MAEA: variants seen among roughly 807,000 people sequenced by gnomAD.
MAEA encodes the protein macrophage erythroblast attacher, E3 ubiquitin ligase.
A neutral mutation model predicts 46.2 loss-of-function variants in MAEA; 22 were observed. That is an observed-to-expected ratio of 0.48 (90% confidence interval 0.34 to 0.68). The LOEUF (loss-of-function observed/expected upper bound fraction) is 0.68, where lower values mean the gene tolerates loss of function less well. MAEA is among the 30% of genes least tolerant of loss of function. The pLI is 0.01. For synonymous variants in MAEA, 246 were observed against 222.6 expected, an observed-to-expected ratio of 1.11 and a Z score of -0.94; for missense variants, 393 against 558.1, an observed-to-expected ratio of 0.70 and a Z score of 2.98.
At chr4:1,334,758 T>C in intron 6 of MAEA, 1 of 522,148 alleles carries the variant, frequency 1.9e-6, no homozygotes, top group Non-Finnish European at 2.5e-6. Flanking sequence ...GAAGGAAGCA[T>C]TTTGTTCAGA....
At chr4:1,309,811 G>T in intron 1 of MAEA, 1 of 1,389,272 alleles carries the variant, frequency 7.2e-7, no homozygotes, top group South Asian at 1.6e-5. Flanking sequence ...AAGGGTTCCT[G>T]TCTGCAGCAC....
chr4:1,337,190 C>A, intron 7 of MAEA, 196 bp downstream of exon 7: 1 of 624,208 alleles, frequency 1.6e-6, no homozygotes, highest in East Asian at 2.9e-5. Flanking sequence ...CGTCGTGCAG[C>A]CTTCACTCTG....
Position 1,327,608 on chromosome 4 carries a change from G to A in MAEA, c.580-19G>A, listed in dbSNP as rs766408168. The A allele has an allele frequency of 2.0e-5, 32 of 1,603,854 alleles. No homozygotes were observed. Among genetic ancestry groups the A allele is most frequent in the East Asian group, 4.5e-5 (2 of 44,838 alleles). On this transcript the variant is annotated intron_variant, in intron 4 of 8. Coordinates refer to ENST00000303400, the MANE Select transcript of MAEA (RefSeq NM_001017405.3). ...TGTGGGATGTGCTGTCTAAGCCCTC[G>A]TCTTGTCTTTGCCCTCAGAGCTGCC... is the stretch of plus-strand genomic sequence containing the variant.
chr4:1,314,056 A>C (rs1158919897), intron 2 of MAEA, among the ~76,000 whole-genome samples: 2 of 152,208 alleles, frequency 1.3e-5, no homozygotes, highest in African/African-American at 4.8e-5. Context: ...GGGCAGGCAC[A>C]GTGGCTCACG....
intron 1 of MAEA, among the ~76,000 whole-genome samples, chr4:1,294,588 C>T (rs73796053): frequency 0.15 from 23,328 of 151,424 alleles, 3,462 homozygotes; most frequent in East Asian, 0.42. Context: ...TCCCATACCC[C>T]CCTCCGCAGC....
At position 1,308,421 on chromosome 4, in the gene MAEA, A is replaced by G. The variant is rs563816713; in HGVS notation, c.70-3558A>G. Among the ~76,000 whole-genome samples the G allele has an allele frequency of 4.6e-5, 7 of 152,294 alleles. No individual in the cohort carries two copies. The East Asian group carries it at 1.3e-3, about 29-fold the overall frequency. On this transcript the variant is annotated intron_variant, in intron 1 of 8. Coordinates refer to ENST00000303400, the MANE Select transcript of MAEA (RefSeq NM_001017405.3). ...GGCTGCCATGAACACAGGTGTGCAGATACCTCCTGGGACCCTGCCTTCAGT... is the reference window on the plus strand; with the variant it reads ...GGCTGCCATGAACACAGGTGTGCAGGTACCTCCTGGGACCCTGCCTTCAGT...
chr4:1,336,358 C>T (rs1560393554), intron 6 of MAEA, among the ~76,000 whole-genome samples: 1 of 151,090 alleles, frequency 6.6e-6, no homozygotes, highest in Non-Finnish European at 1.5e-5. Context: ...GTCAGCACTC[C>T]CCCGACAGTG....
intron 6 of MAEA, chr4:1,335,267 G>A (rs1712594661): frequency 1.0e-6 from 1 of 985,498 alleles, no homozygotes; most frequent in Non-Finnish European, 1.2e-6. Context: ...GCTCTGAGGT[G>A]CACTCTGCAC....
rs1713156513 is a variant in MAEA at position 1,338,828 on chromosome 4, C to G, written c.1095+211C>G. The G allele has an allele frequency of 1.2e-5, 8 of 660,434 alleles. No individual in the cohort carries two copies. In the East Asian group the frequency reaches 2.2e-4, roughly 18 times the overall value. The allele number at this position is 660,434 out of a possible 1,614,324, so 40.9% of individuals were successfully genotyped here. On this transcript the variant is annotated intron_variant, in intron 8 of 8. Transcript: ENST00000303400. Reference sequence around the variant, plus strand: ...GCAGGGCAGCGGGGCCAGGCTGGCACACGTCGCCATTGGGACAGGGCTGTC... The same window carrying G: ...GCAGGGCAGCGGGGCCAGGCTGGCAGACGTCGCCATTGGGACAGGGCTGTC...
chr4:1,321,603 G>A (rs1015698004), intron 3 of MAEA, among the ~76,000 whole-genome samples: 1 of 152,234 alleles, frequency 6.6e-6, no homozygotes, highest in South Asian at 2.1e-4. Flanking sequence ...GGTGAACTGT[G>A]GCCTCATCCT....
chr4:1,310,361 C>G (rs1423534219), intron 1 of MAEA, among the ~76,000 whole-genome samples: 7 of 152,232 alleles, frequency 4.6e-5, no homozygotes, highest in Non-Finnish European at 5.9e-5. Context: ...AAGAATCTTT[C>G]CCGTCTTTCC....
At chr4:1,322,086 TG>T (rs1367606353) in intron 3 of MAEA, among the ~76,000 whole-genome samples, 2 of 152,154 alleles carry the variant, frequency 1.3e-5, no homozygotes, top group African/African-American at 2.4e-5. Flanking sequence ...CCTGCCTGCA[TG>T]TGTGTCTCAG....
chr4:1,295,651 C>A, intron 1 of MAEA, among the ~76,000 whole-genome samples: 1 of 143,554 alleles, frequency 7.0e-6, no homozygotes, highest in African/African-American at 2.5e-5. Flanking sequence ...CCTGTACCCC[C>A]CTCACCCGCT....
chr4:1,307,058 C>T (rs1228802287), intron 1 of MAEA, among the ~76,000 whole-genome samples: 1 of 152,196 alleles, frequency 6.6e-6, no homozygotes, highest in Non-Finnish European at 1.5e-5. Flanking sequence ...CTGGCTTCAG[C>T]ACTCTAGCTT....
At chr4:1,293,359 C>G (rs1023740668) in intron 1 of MAEA, among the ~76,000 whole-genome samples, 1 of 152,060 alleles carries the variant, frequency 6.6e-6, no homozygotes, top group Non-Finnish European at 1.5e-5. Flanking sequence ...CCACTGCCCT[C>G]CAGCCTGGGT....
At chr4:1,312,355 G>T in intron 2 of MAEA, 194 bp downstream of exon 2, 1 of 599,918 alleles carries the variant, frequency 1.7e-6, no homozygotes, top group East Asian at 2.9e-5. Context: ...TAGGGACCGT[G>T]TTGTCTTGCT....
intron 1 of MAEA, chr4:1,299,929 T>C (rs1373745185): frequency 1.3e-5 from 2 of 152,244 alleles, no homozygotes; most frequent in East Asian, 1.9e-4. Context: ...ATAAGCTCTT[T>C]TGAAGGATAG....
chr4:1,309,629 T>C (rs1476042309), intron 1 of MAEA: 3 of 1,527,934 alleles, frequency 2.0e-6, no homozygotes, highest in Non-Finnish European at 2.6e-6. Context: ...GTGGGAGGCC[T>C]GAGGAGTAAG....
rs183514983 is a variant in MAEA at position 1,323,529 on chromosome 4, G to A, written c.579+1026G>A. The A allele has an allele frequency of 5.3e-4, 369 of 702,528 alleles. 6 individuals carry two copies. Among genetic ancestry groups the A allele is most frequent in the Middle Eastern group, 3.0e-3 (13 of 4,370 alleles). 43.5% of individuals were successfully genotyped at this position (702,528 alleles called of 1,614,324 possible). Reference sequence around the variant, plus strand: ...AACAAGCACGAAGCAAAGACGGGACGAAAAAGTAGAGCGGCTAGTAGCTCC... The same window carrying A: ...AACAAGCACGAAGCAAAGACGGGACAAAAAAGTAGAGCGGCTAGTAGCTCC... On this transcript the variant is annotated intron_variant, in intron 4 of 8. Transcript: ENST00000303400.
Sources: gnomAD v4.1 joint callset for allele counts (sites outside exome capture counted in the v4.1 genomes callset) on GRCh38, gnomAD v4.1.1 for gene constraint, MANE v1.5 for transcripts, NCBI Gene and HGNC (gene_info 2026-07-23, HGNC 2026-07-21) for gene names.